The following TMEM184B variants were observed in gnomAD, a reference collection of about 807,000 sequenced individuals.
TMEM184B encodes transmembrane protein 184B, also known as putative MAPK-activating protein FM08.
TMEM184B carries 17 observed loss-of-function variants against 41.8 expected under a neutral mutation model. The ratio of observed to expected loss-of-function variants is 0.41; its 90% CI spans 0.28 to 0.61. The LOEUF (loss-of-function observed/expected upper bound fraction) is 0.61, where lower values mean the gene tolerates loss of function less well. Ranked by LOEUF, TMEM184B falls within the 20% of genes least tolerant of loss-of-function variation. The pLI is 0.34. For synonymous variants in TMEM184B, 240 were observed against 229.5 expected (o/e 1.05, Z -0.41); for missense variants, 393 against 557.8 (o/e 0.70, Z 2.98).
At chr22:38,255,217 G>T (rs2092256154) in intron 1 of TMEM184B, among the ~76,000 whole-genome samples, 2 of 152,130 alleles carry the variant, frequency 1.3e-5, no homozygotes. Context: ...GTAGAGACGG[G>T]GTTTCATCAT....
In TMEM184B at chr22:38,242,203, C is replaced by G. The variant is rs1370579497; in HGVS notation, c.358+3732G>C. Among the ~76,000 whole-genome samples the G allele has an allele frequency of 2.6e-5, 4 of 151,752 alleles. No individual in the cohort carries two copies. In the South Asian group the frequency reaches 8.3e-4, roughly 31 times the overall value. On this transcript the variant is annotated intron_variant, in intron 3 of 8. Transcript: ENST00000361906. ...AAAAGCAGGGCCAGGCTTGGTGGCT[C>G]ACGCCTGTAATCCCAGCACTTTGGG...
chr22:38,217,034 G>C (rs968991691), downstream of TMEM184B, among the ~76,000 whole-genome samples: 4 of 151,752 alleles, frequency 2.6e-5, no homozygotes, highest in African/African-American at 9.7e-5. Context: ...AAATTTAAAA[G>C]TAAGAAAACA....
At chr22:38,246,899 G>T (rs1402644749) in intron 2 of TMEM184B, 35 of 1,298,968 alleles carry the variant, frequency 2.7e-5, no homozygotes, top group Non-Finnish European at 3.5e-5. Flanking sequence ...GGGAGGAAAA[G>T]AACAAAATAT....
intron 3 of TMEM184B, among the ~76,000 whole-genome samples, chr22:38,241,409 T>C (rs1359357543): frequency 6.6e-6 from 1 of 151,552 alleles, no homozygotes; most frequent in Non-Finnish European, 1.5e-5. Context: ...GGAAATGCAT[T>C]GGATGCAGTG....
chr22:38,256,988 T>TTTTTGTTTG (rs1555900561), intron 1 of TMEM184B, among the ~76,000 whole-genome samples: 4 of 150,262 alleles, frequency 2.7e-5, no homozygotes, highest in African/African-American at 7.4e-5. Context: ...TTTTTTTTTT[T>TTTTTGTTTG]TTTTTTTTTT....
chr22:38,220,460 G>A lies in TMEM184B; in HGVS notation c.*1009C>T, dbSNP rs2091227115. The A allele has an allele frequency of 1.0e-6, 1 of 985,776 alleles. No homozygotes were observed. The highest frequency in any genetic ancestry group is 1.1e-4 in the East Asian group (1 of 8,814). The allele number at this position is 985,776 out of a possible 1,614,324, so 61.1% of individuals were successfully genotyped here. The stretch of plus-strand genomic sequence containing the variant: ...TGGATAGGGGCCCCGAGAGGAGTCT[G>A]GGACCATTCCCCCCACCTCCCAGCT... On this transcript the variant is annotated 3_prime_UTR_variant, in exon 9 of 9. Transcript: ENST00000361906.
At chr22:38,224,354 T>C (rs1213660638) in intron 8 of TMEM184B, among the ~76,000 whole-genome samples, 1 of 152,192 alleles carries the variant, frequency 6.6e-6, no homozygotes, top group African/African-American at 2.4e-5. Context: ...GACCTTGTGA[T>C]CCACCCGCCT....
At chr22:38,228,213 G>A (rs533828431) in intron 5 of TMEM184B, among the ~76,000 whole-genome samples, 13 of 152,292 alleles carry the variant, frequency 8.5e-5, no homozygotes, top group Admixed American at 3.9e-4. Context: ...CTGTCATCCC[G>A]CCTAGAGAAG....
At chr22:38,249,293 C>A (rs1040952714) in intron 1 of TMEM184B, among the ~76,000 whole-genome samples, 7 of 152,142 alleles carry the variant, frequency 4.6e-5, no homozygotes, top group Non-Finnish European at 8.8e-5. Flanking sequence ...GGATTACAGG[C>A]GTGCGTCATC....
At chr22:38,251,306 A>G (rs897561157) in intron 1 of TMEM184B, among the ~76,000 whole-genome samples, 6 of 152,228 alleles carry the variant, frequency 3.9e-5, no homozygotes, top group African/African-American at 1.2e-4. Context: ...TCTCAAGGCA[A>G]CTTTGAAGAA....
chr22:38,219,494 A>G lies in TMEM184B; in HGVS notation c.*1975T>C, dbSNP rs2091200304. 1.0e-6 allele frequency: 1 copy of G among 985,436 alleles called. No homozygotes were observed. The highest frequency in any genetic ancestry group is 1.7e-5 in the African/African-American group (1 of 57,156). The allele number at this position is 985,436 out of a possible 1,614,324, so 61.0% of individuals were successfully genotyped here. A position where few individuals can be genotyped will look rare whatever the true frequency, so the allele number is the denominator to read the frequency against. ...ACAATTAATTTTTCAAGTATTCTTT[A>G]TGTACAAAGAGCTACTCTACCTGGA... On this transcript the variant is annotated 3_prime_UTR_variant, in exon 9 of 9. Transcript: ENST00000361906.
At position 38,225,230 on chromosome 22, in the gene TMEM184B, G is replaced by C. The variant is rs116607322; in HGVS notation, c.787+194C>G. On this transcript the variant is annotated intron_variant, in intron 7 of 8. Coordinates refer to ENST00000361906, the MANE Select transcript of TMEM184B (RefSeq NM_012264.5). This position sits in a 1 kb window ranked among gnomAD's most constrained non-coding sequence, Gnocchi z 4.4. ...CCTGGGCCCTCTCATCCATGTAGCG[G>C]CCCCACCAAAGCTCTCCCTAGCCCC... Among the ~76,000 whole-genome samples the C allele has an allele frequency of 0.015, 2,227 of 152,178 alleles. 39 individuals carry two copies. The highest frequency in any genetic ancestry group is 0.045 in the South Asian group (214 of 4,800).
chr22:38,266,801 C>T (rs1376389311), intron 1 of TMEM184B, among the ~76,000 whole-genome samples: 1 of 152,252 alleles, frequency 6.6e-6, no homozygotes, highest in East Asian at 1.9e-4. Flanking sequence ...TCAACAAGTA[C>T]GGCCGGGTAC....
chr22:38,251,120 A>C (rs1484100567), intron 1 of TMEM184B, among the ~76,000 whole-genome samples: 2 of 152,124 alleles, frequency 1.3e-5, no homozygotes, highest in African/African-American at 4.8e-5. Context: ...TTCTAGCAGG[A>C]GGGGAGGCAG....
At chr22:38,255,452 G>T (rs978788461) in intron 1 of TMEM184B, among the ~76,000 whole-genome samples, 4 of 152,206 alleles carry the variant, frequency 2.6e-5, no homozygotes, top group Non-Finnish European at 4.4e-5. Flanking sequence ...GATTACAGGC[G>T]TGAGCCACCA....
chr22:38,230,995 T>C (rs1366817756), intron 4 of TMEM184B, among the ~76,000 whole-genome samples: 1 of 152,052 alleles, frequency 6.6e-6, no homozygotes, highest in Non-Finnish European at 1.5e-5. Flanking sequence ...ATGTAAAAAC[T>C]GCAGGAGGCA....
intron 3 of TMEM184B, among the ~76,000 whole-genome samples, chr22:38,243,994 C>G (rs548834234): frequency 1.1e-3 from 164 of 152,120 alleles, no homozygotes; most frequent in Non-Finnish European, 1.8e-3. Flanking sequence ...AGGGACCCCA[C>G]GCAGAGCAGA....
chr22:38,255,283 C>G (rs1490632383), intron 1 of TMEM184B, among the ~76,000 whole-genome samples: 1 of 152,206 alleles, frequency 6.6e-6, no homozygotes, highest in Non-Finnish European at 1.5e-5. Flanking sequence ...CTCAGCCTCC[C>G]AGAGTGCTGG....
intron 3 of TMEM184B, among the ~76,000 whole-genome samples, chr22:38,240,339 T>C (rs1336399852): frequency 6.7e-6 from 1 of 149,992 alleles, no homozygotes; most frequent in Non-Finnish European, 1.5e-5. Flanking sequence ...TTCTAAAACA[T>C]GATAAAGGAA....
Sources: allele counts gnomAD v4.1 joint callset (sites outside exome capture counted in the v4.1 genomes callset), GRCh38; gene constraint gnomAD v4.1.1; non-coding constraint Gnocchi (gnomAD v3.1); transcripts MANE v1.5; gene names NCBI Gene and HGNC (gene_info 2026-07-23, HGNC 2026-07-21).